The following COQ8A variants were observed in gnomAD, a reference collection of about 807,000 sequenced individuals.
The protein encoded by COQ8A is coenzyme Q8A.
In COQ8A, 51 loss-of-function variants were observed where a neutral mutation model predicts 65.0. That is an observed-to-expected ratio of 0.78 (90% CI 0.63 to 0.99). The LOEUF is 0.99. Ranked by LOEUF, COQ8A falls within the 50% of genes least tolerant of loss-of-function variation. The pLI, the probability that COQ8A is intolerant of heterozygous loss-of-function variation, is 0.00. For missense variants in COQ8A, 940 were observed against 875.0 expected, an observed-to-expected ratio of 1.07 and a Z score of -0.94; for synonymous variants, 371 against 353.2, an observed-to-expected ratio of 1.05 and a Z score of -0.57.
At chr1:226,947,995 G>T (rs1222749745) in intron 1 of COQ8A, among the ~76,000 whole-genome samples, 1 of 152,090 alleles carries the variant, frequency 6.6e-6, no homozygotes, top group Non-Finnish European at 1.5e-5. Context: ...TAGAAGAATG[G>T]TCTGGAAATT....
intron 1 of COQ8A, chr1:226,958,240 A>T (rs548173928): frequency 6.6e-6 from 1 of 152,318 alleles, no homozygotes; most frequent in East Asian, 1.9e-4. Context: ...CAAATAAATA[A>T]AAAAGACTAT....
At chr1:226,941,217 G>A (rs751286154) in intron 1 of COQ8A, among the ~76,000 whole-genome samples, 6 of 152,210 alleles carry the variant, frequency 3.9e-5, no homozygotes, top group Admixed American at 6.5e-5. Context: ...TCCAGCCTGA[G>A]TCGGGCCTAC....
chr1:226,977,528 G>T lies in COQ8A; in HGVS notation c.730+5G>T. The T allele has an allele frequency of 1.3e-6, 2 of 1,555,820 alleles. No individual in the cohort carries two copies. The highest frequency in any genetic ancestry group is 4.8e-5 in the East Asian group (2 of 42,040). ...TGCGCTCCGAGGACCCCTCAGGTGA[G>T]CCGGGCCCTTCAGTGGGAGGGGCAG... On this transcript the variant is annotated splice_donor_5th_base_variant and intron_variant, in intron 5 of 14. Coordinates refer to ENST00000366777, the MANE Select transcript of COQ8A (RefSeq NM_020247.5).
intron 6 of COQ8A, 140 bp from the exon 7 acceptor site, chr1:226,982,538 G>T: frequency 1.1e-6 from 1 of 930,426 alleles, no homozygotes; most frequent in Non-Finnish European, 1.7e-6. Context: ...TGTGTGCGAG[G>T]GCTCCTGTCT....
chr1:226,953,765 C>A (rs1657525209), intron 1 of COQ8A, among the ~76,000 whole-genome samples: 3 of 152,136 alleles, frequency 2.0e-5, no homozygotes, highest in African/African-American at 7.2e-5. Context: ...TGAAGCTGGA[C>A]CTCGCGAGAT....
intron 1 of COQ8A, among the ~76,000 whole-genome samples, chr1:226,960,298 TTGG>T (rs1200244779): frequency 9.2e-5 from 13 of 141,328 alleles, no homozygotes; most frequent in Non-Finnish European, 1.2e-4. Context: ...GTGGTGGTAC[TTGG>T]TGGTGGTGGC....
chr1:226,948,807 A>C (rs1657198814), intron 1 of COQ8A, among the ~76,000 whole-genome samples: 1 of 152,196 alleles, frequency 6.6e-6, no homozygotes, highest in Non-Finnish European at 1.5e-5. Flanking sequence ...CAATGTAGGA[A>C]TCTGACCAGC....
intron 1 of COQ8A, among the ~76,000 whole-genome samples, chr1:226,944,935 G>C (rs1308967920): frequency 6.6e-6 from 1 of 152,256 alleles, no homozygotes; most frequent in East Asian, 1.9e-4. Flanking sequence ...GAGACAGAGA[G>C]GCTGTAGCGC....
chr1:226,981,995 G>A, intron 5 of COQ8A, 32 bp from the exon 6 acceptor site: 3 of 1,612,842 alleles, frequency 1.9e-6, no homozygotes, highest in Non-Finnish European at 2.5e-6. Context: ...ACCCCCCCGA[G>A]TGCCGTGGTG....
intron 1 of COQ8A, among the ~76,000 whole-genome samples, chr1:226,951,833 C>T (rs773154621): frequency 5.3e-5 from 8 of 151,888 alleles, no homozygotes; most frequent in Non-Finnish European, 8.8e-5. Context: ...ATGAGCTATA[C>T]GTAATCTATA....
At position 226,982,019 on chromosome 1, in the gene COQ8A, G is replaced by T; in HGVS notation, c.731-8G>T. 1 of 1,612,874 alleles carries T rather than the reference G, an allele frequency of 6.2e-7. No individual in the cohort carries two copies. The highest frequency in any genetic ancestry group is 1.1e-5 in the South Asian group (1 of 91,084). On this transcript the variant is annotated splice_polypyrimidine_tract_variant and splice_region_variant and intron_variant, in intron 5 of 14. Transcript: ENST00000366777. ...AGTGCCGTGGTGACCCCTCTTGCCC[G>T]CCCACAGGGAAGAAGGCCGTGCTGG...
At chr1:226,960,352 T>G (rs1172216521) in intron 1 of COQ8A, among the ~76,000 whole-genome samples, 10 of 149,866 alleles carry the variant, frequency 6.7e-5, no homozygotes, top group Non-Finnish European at 1.5e-4. Flanking sequence ...GTGGTGGTGG[T>G]GGTGGTGCTT....
At chr1:226,965,599 C>T (rs952408318) in intron 3 of COQ8A, 72 bp from the exon 4 acceptor site, 37 of 1,554,862 alleles carry the variant, frequency 2.4e-5, no homozygotes, top group Non-Finnish European at 3.3e-5. Flanking sequence ...GATGTGGGGG[C>T]AACAGGAGCC....
In COQ8A at chr1:226,961,463, C is replaced by T. The variant is rs150541057; in HGVS notation, c.78C>T (p.His26=). The T allele has an allele frequency of 3.3e-4, 539 of 1,613,896 alleles. 3 individuals are homozygous for T. In the African/African-American group the frequency reaches 6.3e-3, roughly 19 times the overall value. Residue 26 remains histidine, a synonymous_variant, in exon 2 of 15, where the codon CAC becomes CAT. Transcript: ENST00000366777. ...VKLTQAAVET[H]LQHLGIGGEL... is the part of the protein sequence containing the mutation. ...TGACCCAGGCGGCCGTGGAAACCCA[C>T]CTGCAGCACTTGGGCATCGGAGGGG...
Position 226,949,214 on chromosome 1 carries a change from C to A in COQ8A, c.-10+8815C>A, listed in dbSNP as rs566605159. On this transcript the variant is annotated intron_variant, in intron 1 of 14. Transcript: ENST00000366777. The surrounding 1 kb of genome is among the most constrained non-coding windows in gnomAD (Gnocchi z 4.0). ...CGTAGCTGGAGGCTGGAAAGGAGGCCGGGGGCCTGATTTCGATGCCTGGGA... is the reference window on the plus strand; with the variant it reads ...CGTAGCTGGAGGCTGGAAAGGAGGCAGGGGGCCTGATTTCGATGCCTGGGA... Among the ~76,000 whole-genome samples the A allele has an allele frequency of 6.6e-6, 1 of 151,878 alleles. No individual in the cohort carries two copies. Among genetic ancestry groups the A allele is most frequent in the Admixed American group, 6.6e-5 (1 of 15,232 alleles).
rs766226949 is a variant in COQ8A, at chr1:226,982,690, T to TC, written c.867dup (p.Asn290GlnfsTer6). The TC allele has an allele frequency of 1.9e-6, 3 of 1,613,370 alleles. No individual in the cohort carries two copies. In the African/African-American group the frequency reaches 4.0e-5, roughly 22 times the overall value. ...TCCTGCCTTCCAGATGATGCCTTTATCAACCCCCACCTGGCTAAGATCTTC... is the reference window on the plus strand; with the variant it reads ...TCCTGCCTTCCAGATGATGCCTTTATCCAACCCCCACCTGGCTAAGATCTTC... On this transcript the variant is annotated frameshift_variant, in exon 7 of 15. Transcript: ENST00000366777. LOFTEE classifies it high-confidence loss of function.
At position 226,983,634 on chromosome 1, in the gene COQ8A, G is replaced by T; in HGVS notation, c.1162+1G>T. On this transcript the variant is annotated splice_donor_variant, in intron 9 of 14. Coordinates refer to ENST00000366777, the MANE Select transcript of COQ8A (RefSeq NM_020247.5). LOFTEE classifies it high-confidence loss of function. ...AACATGAGCAACATGCTTCCAGAAG[G>T]TCTGAGGCTAGGTGGTTGGGTCAAG... 6.2e-7 allele frequency: 1 copy of T among 1,613,956 alleles called. No individual in the cohort carries two copies. Among genetic ancestry groups the T allele is most frequent in the Non-Finnish European group, 8.5e-7 (1 of 1,180,002 alleles).
chr1:226,947,562 T>G (rs1475527911), intron 1 of COQ8A, among the ~76,000 whole-genome samples: 4 of 152,124 alleles, frequency 2.6e-5, no homozygotes, highest in Non-Finnish European at 5.9e-5. Context: ...ATCCCAGCAC[T>G]TTGGGAGGCC....
At chr1:226,968,353 A>G (rs1328051465) in intron 4 of COQ8A, among the ~76,000 whole-genome samples, 2 of 152,180 alleles carry the variant, frequency 1.3e-5, no homozygotes, top group African/African-American at 2.4e-5. Context: ...AGTTAAACAG[A>G]ATGGAATTCA....
Sources: gnomAD v4.1 joint callset for allele counts (sites outside exome capture counted in the v4.1 genomes callset) on GRCh38, gnomAD v4.1.1 for gene constraint, Gnocchi (gnomAD v3.1) non-coding constraint, MANE v1.5 for transcripts, NCBI Gene and HGNC (gene_info 2026-07-23, HGNC 2026-07-21) for gene names.